Variants in EFCAB3 observed in about 807,000 individuals in gnomAD.
EFCAB3 encodes the protein EF-hand calcium binding domain 3.
In EFCAB3, 36 loss-of-function variants were observed where a neutral mutation model predicts 42.2. The observed-to-expected ratio is 0.85, with a 90% CI of 0.65 to 1.13. The LOEUF is 1.13. EFCAB3 is among the 50% of genes most tolerant of loss of function. EFCAB3 has a pLI of 0.00. For synonymous variants in EFCAB3, 170 were observed against 172.8 expected (o/e 0.98, Z 0.13); for missense variants, 418 against 505.1 (o/e 0.83, Z 1.65).
upstream of EFCAB3, chr17:62,377,856 C>T: frequency 1.2e-6 from 1 of 813,472 alleles, no homozygotes; most frequent in South Asian, 1.9e-5. Flanking sequence ...TTGACATTTT[C>T]TTAATTTTTT....
rs116286825 is a variant in EFCAB3, at chr17:62,406,443, C to T, written c.489-37C>T. On this transcript the variant is annotated intron_variant, in intron 6 of 9. Transcript: ENST00000305286. ...TTTTTAAAATTTTTGTCCTATGTCT[C>T]TTTGTATCCATTTCTGAATTACTTT... is the stretch of plus-strand genomic sequence containing the variant. The T allele has an allele frequency of 2.6e-3, 3,919 of 1,528,852 alleles. 89 individuals are homozygous for T. The African/African-American group carries it at 0.046, about 18-fold the overall frequency. The allele number at this position is 1,528,852 out of a possible 1,614,324, so 94.7% of individuals were successfully genotyped here.
chr17:62,415,127 A>AC, intron 9 of EFCAB3, among the ~76,000 whole-genome samples: 1 of 147,948 alleles, frequency 6.8e-6, no homozygotes, highest in East Asian at 2.2e-4. Flanking sequence ...AACAAAAAAA[A>AC]ACAAAAAAAC....
intron 6 of EFCAB3, among the ~76,000 whole-genome samples, chr17:62,405,428 A>T (rs2144104478): frequency 6.6e-6 from 1 of 152,340 alleles, no homozygotes; most frequent in African/African-American, 2.4e-5. Context: ...CATTGCTGTA[A>T]CAGCAAGAAA....
chr17:62,384,721 A>G (rs2070233890), intron 2 of EFCAB3, among the ~76,000 whole-genome samples: 1 of 152,204 alleles, frequency 6.6e-6, no homozygotes, highest in Non-Finnish European at 1.5e-5. Flanking sequence ...CATGCAAAAG[A>G]AATTTGTTTA....
At chr17:62,391,597 A>G (rs1057000333) in intron 3 of EFCAB3, among the ~76,000 whole-genome samples, 2 of 152,128 alleles carry the variant, frequency 1.3e-5, no homozygotes, top group African/African-American at 4.8e-5. Context: ...TTGGAAAGCC[A>G]TCTTACCTAC....
intron 4 of EFCAB3, among the ~76,000 whole-genome samples, chr17:62,392,928 T>C (rs1249417011): frequency 1.3e-5 from 2 of 152,216 alleles, no homozygotes; most frequent in Admixed American, 6.5e-5. Flanking sequence ...TGAGCCACCA[T>C]GCCCAGCCAT....
intron 9 of EFCAB3, among the ~76,000 whole-genome samples, chr17:62,414,889 A>T (rs1172840458): frequency 5.9e-5 from 9 of 152,050 alleles, no homozygotes; most frequent in Admixed American, 5.9e-4. Context: ...GAATCACCTG[A>T]GGTCAGGAGT....
intron 8 of EFCAB3, among the ~76,000 whole-genome samples, chr17:62,409,498 G>A (rs2144111506): frequency 1.3e-5 from 2 of 152,206 alleles, no homozygotes; most frequent in Middle Eastern, 6.8e-3. Flanking sequence ...TCATGCCTGT[G>A]AATGCACTGC....
At chr17:62,398,491 T>TTA (rs1218793528) in intron 6 of EFCAB3, among the ~76,000 whole-genome samples, 1 of 97,126 alleles carries the variant, frequency 1.0e-5, no homozygotes, top group Non-Finnish European at 2.1e-5. Flanking sequence ...TGATAAATTT[T>TTA]TATATGCAAA....
intron 8 of EFCAB3, among the ~76,000 whole-genome samples, chr17:62,407,424 TG>T (rs1332512164): frequency 2.0e-5 from 3 of 152,164 alleles, no homozygotes; most frequent in Admixed American, 6.5e-5. Flanking sequence ...GCTTTGGGGT[TG>T]GGGATGGGGA....
chr17:62,370,437 C>A (rs769347629), intron 1 of EFCAB3: 1 of 1,049,452 alleles, frequency 9.5e-7, no homozygotes, highest in Non-Finnish European at 1.4e-6. Flanking sequence ...GGTGGATCAC[C>A]TGAGGTCAGG....
intron 5 of EFCAB3, among the ~76,000 whole-genome samples, chr17:62,394,280 T>C (rs551161866): frequency 6.6e-6 from 1 of 152,312 alleles, no homozygotes; most frequent in African/African-American, 2.4e-5. Flanking sequence ...TTACCAAGTG[T>C]ATGCAGTACT....
intron 2 of EFCAB3, among the ~76,000 whole-genome samples, chr17:62,383,727 C>T (rs1323374489): frequency 6.6e-6 from 1 of 152,046 alleles, no homozygotes; most frequent in Non-Finnish European, 1.5e-5. Flanking sequence ...AAGAAGTTAT[C>T]AGTTATACCT....
chr17:62,409,136 C>T (rs768745211), intron 8 of EFCAB3, among the ~76,000 whole-genome samples: 7 of 152,198 alleles, frequency 4.6e-5, no homozygotes, highest in Non-Finnish European at 7.3e-5. Flanking sequence ...TGGCTCACTA[C>T]AACCTCCACT....
At chr17:62,408,204 C>G (rs1157744950) in intron 8 of EFCAB3, among the ~76,000 whole-genome samples, 1 of 152,190 alleles carries the variant, frequency 6.6e-6, no homozygotes. Context: ...GTATCCCTAT[C>G]ATCTAAAATA....
Position 62,400,886 on chromosome 17 carries a change from T to G in EFCAB3, c.489-5594T>G, listed in dbSNP as rs374769583. ...ACTACAGTTTTACACAGTGTAAAAG[T>G]GTTCCTATTTCTCCACATCCTCTCC... On this transcript the variant is annotated intron_variant, in intron 6 of 9. Transcript: ENST00000305286. Among the ~76,000 whole-genome samples the G allele has an allele frequency of 3.7e-4, 56 of 152,262 alleles. No individual in the cohort carries two copies. The East Asian group carries it at 5.0e-3, about 14-fold the overall frequency.
At position 62,383,251 on chromosome 17, in the gene EFCAB3, G is replaced by A. The variant is rs566608660; in HGVS notation, c.74+198G>A. ...AGCACTTTGGGAGGCCGAGGTGGGC[G>A]GATCATGAGGTCAAGAGATCGAGAC... On this transcript the variant is annotated intron_variant, in intron 2 of 9. Coordinates refer to ENST00000305286, the MANE Select transcript of EFCAB3 (RefSeq NM_173503.4). The A allele has an allele frequency of 1.9e-3, 868 of 459,414 alleles. 4 individuals carry two copies. Among genetic ancestry groups the A allele is most frequent in the Non-Finnish European group, 2.4e-3 (632 of 261,704 alleles). 28.5% of individuals were successfully genotyped at this position (459,414 alleles called of 1,614,324 possible). A position where few individuals can be genotyped will look rare whatever the true frequency, so the allele number is the denominator to read the frequency against.
intron 7 of EFCAB3, 152 bp downstream of exon 7, chr17:62,406,825 A>G (rs1290329716): frequency 2.3e-6 from 2 of 874,054 alleles, no homozygotes; most frequent in Non-Finnish European, 3.4e-6. Flanking sequence ...ATTTGAAAGC[A>G]AATGTAGATG....
chr17:62,409,397 C>T (rs1364108158), intron 8 of EFCAB3, among the ~76,000 whole-genome samples: 1 of 152,004 alleles, frequency 6.6e-6, no homozygotes, highest in African/African-American at 2.4e-5. Context: ...TAGCTGGGTG[C>T]AATGGTACAT....
Sources: allele counts gnomAD v4.1 joint callset (sites outside exome capture counted in the v4.1 genomes callset), GRCh38; gene constraint gnomAD v4.1.1; transcripts MANE v1.5; gene names NCBI Gene and HGNC (gene_info 2026-07-23, HGNC 2026-07-21).